Variants in CSMD3 observed in about 807,000 individuals in gnomAD.
CSMD3 encodes CUB and Sushi multiple domains 3.
Under a neutral mutation model 435.2 loss-of-function variants are expected in CSMD3, and 177 were observed. The ratio of observed to expected loss-of-function variants is 0.41; its 90% CI spans 0.36 to 0.46. CSMD3 has a LOEUF of 0.46. Ranked by LOEUF, CSMD3 falls within the 20% of genes least tolerant of loss-of-function variation. The pLI is 0.34. For synonymous variants in CSMD3, 1,656 were observed against 1,520.5 expected (o/e 1.09, Z -2.07); for missense variants, 4,265 against 4,504.6 (o/e 0.95, Z 1.52).
chr8:112,681,120 T>C (rs200478821), intron 16 of CSMD3, among the ~76,000 whole-genome samples: 21 of 151,574 alleles, frequency 1.4e-4, no homozygotes, highest in Non-Finnish European at 2.8e-4. Context: ...CTGCAACCTC[T>C]GCCTCCCAGG....
chr8:113,265,136 T>C (rs1363085491), intron 3 of CSMD3, among the ~76,000 whole-genome samples: 2 of 151,574 alleles, frequency 1.3e-5, no homozygotes, highest in Non-Finnish European at 3.0e-5. Context: ...ATATGCATGC[T>C]AGAATTGTTT....
chr8:113,223,099 C>T (rs558763899), intron 3 of CSMD3, among the ~76,000 whole-genome samples: 1 of 150,570 alleles, frequency 6.6e-6, no homozygotes, highest in Admixed American at 6.7e-5. Flanking sequence ...CTTTACTAAA[C>T]AGGTCATTTT....
At chr8:113,391,274 T>C (rs142323860) in intron 1 of CSMD3, among the ~76,000 whole-genome samples, 291 of 152,144 alleles carry the variant, frequency 1.9e-3, no homozygotes, top group Non-Finnish European at 3.2e-3. Flanking sequence ...CTTACACACA[T>C]TTCAAGTAGT....
intron 17 of CSMD3, among the ~76,000 whole-genome samples, chr8:112,664,110 C>T (rs2075458108): frequency 6.6e-6 from 1 of 152,066 alleles, no homozygotes; most frequent in Admixed American, 6.6e-5. Context: ...ACTACCGTTG[C>T]ACCTCCTGAT....
At chr8:112,619,787 A>G (rs1833924549) in intron 22 of CSMD3, among the ~76,000 whole-genome samples, 3 of 140,932 alleles carry the variant, frequency 2.1e-5, no homozygotes, top group Admixed American at 7.3e-5. Context: ...TCATACAAAC[A>G]TGTTGTATCT....
intron 1 of CSMD3, among the ~76,000 whole-genome samples, chr8:113,410,161 T>C: frequency 6.6e-6 from 1 of 152,162 alleles, no homozygotes; most frequent in East Asian, 1.9e-4. Context: ...TGTTTGTTTG[T>C]TGTGTGTGTG....
At chr8:113,418,015 G>T (rs1406223134) in intron 1 of CSMD3, among the ~76,000 whole-genome samples, 1 of 151,998 alleles carries the variant, frequency 6.6e-6, no homozygotes, top group East Asian at 1.9e-4. Context: ...ATATTCTATT[G>T]TAAATCCATC....
chr8:112,345,120 A>G (rs1368929135), intron 41 of CSMD3, among the ~76,000 whole-genome samples: 1 of 152,152 alleles, frequency 6.6e-6, no homozygotes, highest in African/African-American at 2.4e-5. Flanking sequence ...TTATAAAATG[A>G]CCTGGCACAC....
intron 12 of CSMD3, among the ~76,000 whole-genome samples, chr8:112,809,658 C>G (rs2079173858): frequency 6.6e-6 from 1 of 152,100 alleles, no homozygotes; most frequent in Non-Finnish European, 1.5e-5. Context: ...TTCCAAACAG[C>G]TAGGAATTGG....
At chr8:112,607,570 A>G (rs1164126738) in intron 22 of CSMD3, among the ~76,000 whole-genome samples, 1 of 152,096 alleles carries the variant, frequency 6.6e-6, no homozygotes, top group East Asian at 1.9e-4. Context: ...CATAGATTCA[A>G]AAATCCTAAA....
At chr8:112,686,421 G>T (rs190985150) in intron 14 of CSMD3, among the ~76,000 whole-genome samples, 5 of 151,340 alleles carry the variant, frequency 3.3e-5, no homozygotes, top group African/African-American at 1.2e-4. Context: ...AAAAGAAAAT[G>T]ACATACTACT....
chr8:112,267,392 GA>G (rs1298417359), intron 59 of CSMD3, among the ~76,000 whole-genome samples: 8 of 151,816 alleles, frequency 5.3e-5, no homozygotes, highest in Non-Finnish European at 8.8e-5. Context: ...GGAGTAAAAA[GA>G]TTTTTTTTAA....
intron 12 of CSMD3, among the ~76,000 whole-genome samples, chr8:112,816,305 T>C (rs2079373809): frequency 6.6e-6 from 1 of 152,084 alleles, no homozygotes; most frequent in South Asian, 2.1e-4. Flanking sequence ...TGTTTGTAAG[T>C]ATGCATAGTG....
chr8:112,317,285 C>T (rs976068645), intron 47 of CSMD3, among the ~76,000 whole-genome samples: 2 of 151,926 alleles, frequency 1.3e-5, no homozygotes, highest in Non-Finnish European at 1.5e-5. Context: ...AAATATCTAG[C>T]TTATCTGAAT....
intron 10 of CSMD3, among the ~76,000 whole-genome samples, chr8:112,868,407 TATTGTGTAGTGTACATA>T (rs989833910): frequency 6.6e-6 from 1 of 152,150 alleles, no homozygotes; most frequent in African/African-American, 2.4e-5. Context: ...CATAATAAAA[TATTGTGTAGTGTACATA>T]ATTGTATGTG....
chr8:112,263,494 A>C, intron 61 of CSMD3, 145 bp downstream of exon 61: 1 of 680,304 alleles, frequency 1.5e-6, no homozygotes, highest in Non-Finnish European at 2.6e-6. Context: ...ATAATGACTT[A>C]ATTACATGAA....
chr8:112,318,230 G>A (rs1032315274), intron 47 of CSMD3, among the ~76,000 whole-genome samples: 10 of 151,454 alleles, frequency 6.6e-5, no homozygotes, highest in African/African-American at 2.4e-4. Context: ...TCATGACTCA[G>A]GAAACAATGC....
At chr8:112,330,964 T>A (rs947566447) in intron 45 of CSMD3, among the ~76,000 whole-genome samples, 10 of 152,014 alleles carry the variant, frequency 6.6e-5, no homozygotes, top group African/African-American at 2.4e-4. Context: ...CTTCTACTTA[T>A]TAGTTCTCTG....
chr8:112,766,077 A>T (rs1260676541), intron 13 of CSMD3, among the ~76,000 whole-genome samples: 2 of 151,654 alleles, frequency 1.3e-5, no homozygotes, highest in African/African-American at 4.8e-5. Flanking sequence ...TACAGGATCA[A>T]TGATTGTATT....
Sources: allele counts gnomAD v4.1 joint callset (sites outside exome capture counted in the v4.1 genomes callset), GRCh38; gene constraint gnomAD v4.1.1; transcripts MANE v1.5; gene names NCBI Gene and HGNC (gene_info 2026-07-23, HGNC 2026-07-21).